The following SEMA3E variants were observed in gnomAD, a reference collection of about 807,000 sequenced individuals.
The protein encoded by SEMA3E is semaphorin 3E.
A neutral mutation model predicts 93.6 loss-of-function variants in SEMA3E; 49 were observed. The observed-to-expected ratio is 0.52, with a 90% CI of 0.42 to 0.66. The LOEUF (loss-of-function observed/expected upper bound fraction) is 0.66. SEMA3E is among the 30% of genes least tolerant of loss of function. SEMA3E has a pLI of 0.00. For synonymous variants in SEMA3E, 363 were observed against 330.7 expected, an observed-to-expected ratio of 1.10 and a Z score of -1.06; for missense variants, 906 against 964.8, an observed-to-expected ratio of 0.94 and a Z score of 0.81.
At chr7:83,377,318 T>C (rs989823684) in intron 16 of SEMA3E, among the ~76,000 whole-genome samples, 1 of 152,016 alleles carries the variant, frequency 6.6e-6, no homozygotes, top group African/African-American at 2.4e-5. Context: ...TTATAGGGCT[T>C]TACTTGTGTA....
At chr7:83,590,079 A>G (rs554713150) in intron 1 of SEMA3E, among the ~76,000 whole-genome samples, 1 of 152,240 alleles carries the variant, frequency 6.6e-6, no homozygotes, top group African/African-American at 2.4e-5. Flanking sequence ...TTTGTTGTAT[A>G]CTACATTGCT....
intron 1 of SEMA3E, among the ~76,000 whole-genome samples, chr7:83,582,726 AATT>A (rs1792539482): frequency 6.6e-6 from 1 of 152,114 alleles, no homozygotes; most frequent in Non-Finnish European, 1.5e-5. Flanking sequence ...CTCTCCTTTG[AATT>A]TTTTTAGATA....
intron 4 of SEMA3E, among the ~76,000 whole-genome samples, chr7:83,456,698 C>T (rs2115840053): frequency 6.6e-6 from 1 of 151,938 alleles, no homozygotes; most frequent in African/African-American, 2.4e-5. Context: ...ACTGCAACCT[C>T]CACCTCCTGG....
intron 1 of SEMA3E, among the ~76,000 whole-genome samples, chr7:83,536,607 T>C (rs1791414306): frequency 6.6e-6 from 1 of 152,040 alleles, no homozygotes; most frequent in Non-Finnish European, 1.5e-5. Context: ...TATATTGAGA[T>C]AGTTGTTAAA....
intron 1 of SEMA3E, among the ~76,000 whole-genome samples, chr7:83,495,396 T>A (rs1340835322): frequency 6.6e-6 from 1 of 151,832 alleles, no homozygotes; most frequent in African/African-American, 2.4e-5. Context: ...TATAATGAGA[T>A]TTTCATCTAT....
chr7:83,459,793 T>C (rs1012068694), intron 4 of SEMA3E, among the ~76,000 whole-genome samples: 11 of 152,156 alleles, frequency 7.2e-5, no homozygotes, highest in African/African-American at 2.4e-4. Context: ...CCTTAACTGA[T>C]GACATTCCAC....
intron 5 of SEMA3E, among the ~76,000 whole-genome samples, chr7:83,417,453 G>A (rs1216429319): frequency 2.0e-5 from 3 of 152,098 alleles, no homozygotes; most frequent in Non-Finnish European, 4.4e-5. Context: ...TATTTAGAAT[G>A]TGAAGTCTCT....
At chr7:83,604,272 G>A (rs1212552850) in intron 1 of SEMA3E, among the ~76,000 whole-genome samples, 1 of 151,934 alleles carries the variant, frequency 6.6e-6, no homozygotes, top group Non-Finnish European at 1.5e-5. Flanking sequence ...TCTTTCTTCA[G>A]ATGTTTTATT....
rs1483183300 is a variant in SEMA3E at position 83,406,037 on chromosome 7, A to G, written c.836T>C (p.Ile279Thr). 5 of 1,613,040 alleles carry G rather than the reference A, an allele frequency of 3.1e-6. No homozygotes were observed. The East Asian group carries it at 6.7e-5, about 22-fold the overall frequency. ...GAAAGTGCTCCACTTATTCACCAGT[A>G]TTCTCTGCCCTCCTACATCATTCTG... ...LCVNDVGGQRILVNKWSTFLK... is the reference protein window; with the variant it reads ...LCVNDVGGQRTLVNKWSTFLK... The change falls in exon 8 of 17, where the codon ATA (isoleucine) becomes ACA (threonine). Residue 279 changes from isoleucine to threonine, a missense_variant. Transcript: ENST00000643230.
chr7:83,641,417 G>A (rs1169581847), intron 1 of SEMA3E: 1 of 984,344 alleles, frequency 1.0e-6, no homozygotes. Context: ...CTGCCTATAG[G>A]ACACTGTTTA....
intron 1 of SEMA3E, among the ~76,000 whole-genome samples, chr7:83,507,458 G>C (rs1790726930): frequency 6.9e-6 from 1 of 145,032 alleles, no homozygotes; most frequent in South Asian, 2.4e-4. Flanking sequence ...GTGTGTGTGT[G>C]TGTGTGTGTG....
Position 83,561,644 on chromosome 7 carries a change from C to T in SEMA3E, c.116-71370G>A, listed in dbSNP as rs1158099856. ...CGCTCTCATAGTAACCAGCTGATAG[C>T]ATTTTCAATTCACTTTGAAAATTGT... On this transcript the variant is annotated intron_variant, in intron 1 of 16. Transcript: ENST00000643230. Among the ~76,000 whole-genome samples the T allele has an allele frequency of 2.6e-5, 4 of 152,080 alleles. No homozygotes were observed. In the East Asian group the frequency reaches 7.7e-4, roughly 29 times the overall value.
chr7:83,640,317 A>T (rs1360372302), intron 1 of SEMA3E, among the ~76,000 whole-genome samples: 1 of 152,202 alleles, frequency 6.6e-6, no homozygotes, highest in Non-Finnish European at 1.5e-5. Flanking sequence ...AGAGAAAACA[A>T]ACCAAAAGTG....
At chr7:83,395,680 T>G (rs183871009) in intron 12 of SEMA3E, among the ~76,000 whole-genome samples, 8 of 152,278 alleles carry the variant, frequency 5.3e-5, no homozygotes, top group African/African-American at 1.7e-4. Context: ...TTGTTGATGT[T>G]TTGTTTTTAA....
At chr7:83,433,620 CTTG>C (rs1394289647) in intron 4 of SEMA3E, among the ~76,000 whole-genome samples, 4 of 152,032 alleles carry the variant, frequency 2.6e-5, no homozygotes, top group Non-Finnish European at 5.9e-5. Context: ...TCTCTAAATA[CTTG>C]TTGAAATATT....
chr7:83,466,438 T>A, intron 4 of SEMA3E, 44 bp downstream of exon 4: 1 of 1,609,374 alleles, frequency 6.2e-7, no homozygotes, highest in Non-Finnish European at 8.5e-7. Flanking sequence ...ACAAGGTTGT[T>A]TTAAGCATTG....
chr7:83,425,059 G>A (rs10264176), intron 4 of SEMA3E: 5,643 of 165,456 alleles, frequency 0.034, 325 homozygotes, highest in African/African-American at 0.13. Flanking sequence ...TTGGTAATAC[G>A]GATCAGTGCT....
intron 5 of SEMA3E, among the ~76,000 whole-genome samples, chr7:83,414,177 C>T (rs2713153): frequency 0.53 from 81,211 of 151,908 alleles, 23,500 homozygotes; most frequent in East Asian, 0.84. Flanking sequence ...ATTCAAAACA[C>T]GAGGCAACAC....
At chr7:83,550,104 G>A (rs577884427) in intron 1 of SEMA3E, among the ~76,000 whole-genome samples, 11 of 152,060 alleles carry the variant, frequency 7.2e-5, no homozygotes, top group South Asian at 6.2e-4. Context: ...AAGAAACATC[G>A]TAAGCCAAGA....
Sources: allele counts gnomAD v4.1 joint callset (sites outside exome capture counted in the v4.1 genomes callset), GRCh38; gene constraint gnomAD v4.1.1; transcripts MANE v1.5; gene names NCBI Gene and HGNC (gene_info 2026-07-23, HGNC 2026-07-21).